Variants in ECT2 observed in about 807,000 individuals in gnomAD.
ECT2 encodes the protein protein ECT2.
A neutral mutation model predicts 116.9 loss-of-function variants in ECT2; 61 were observed. That is an observed-to-expected ratio of 0.52 (90% CI 0.42 to 0.65). The LOEUF is 0.65. Among genes scored for constraint, ECT2 ranks in the 30% least tolerant of loss-of-function variants. ECT2 has a pLI of 0.00. For synonymous variants in ECT2, 358 were observed against 346.4 expected, an observed-to-expected ratio of 1.03 and a Z score of -0.37; for missense variants, 937 against 1,078.7, an observed-to-expected ratio of 0.87 and a Z score of 1.84.
At chr3:172,797,969 T>G (rs1191461639) in intron 18 of ECT2, among the ~76,000 whole-genome samples, 1 of 152,204 alleles carries the variant, frequency 6.6e-6, no homozygotes, top group Non-Finnish European at 1.5e-5. Flanking sequence ...TTTGATCAAA[T>G]GTCTTGAGAC....
intron 18 of ECT2, among the ~76,000 whole-genome samples, chr3:172,790,378 G>C (rs1443679375): frequency 6.6e-6 from 1 of 152,226 alleles, no homozygotes; most frequent in African/African-American, 2.4e-5. Context: ...GCTGGCCTCT[G>C]TAACCCCTGT....
intron 8 of ECT2, 69 bp downstream of exon 8, chr3:172,761,752 G>A: frequency 9.1e-7 from 1 of 1,098,178 alleles, no homozygotes; most frequent in Non-Finnish European, 1.3e-6. Context: ...AAATCCATGT[G>A]CTGAAAAAAG....
At chr3:172,767,784 T>C (rs1576880545) in intron 12 of ECT2, among the ~76,000 whole-genome samples, 1 of 151,212 alleles carries the variant, frequency 6.6e-6, no homozygotes, top group African/African-American at 2.4e-5. Context: ...GGCGTGGGAG[T>C]GTGGTGGCAG....
chr3:172,780,408 G>A (rs79941144), intron 14 of ECT2, among the ~76,000 whole-genome samples: 4,835 of 152,248 alleles, frequency 0.032, 164 homozygotes, highest in East Asian at 0.16. Flanking sequence ...TGCTGTGAGA[G>A]TGTGGTGTGC....
intron 24 of ECT2, among the ~76,000 whole-genome samples, chr3:172,817,946 TAAC>T (rs997800054): frequency 1.3e-5 from 2 of 152,126 alleles, no homozygotes; most frequent in Non-Finnish European, 2.9e-5. Flanking sequence ...GGCAAGTTAT[TAAC>T]AATCTGTTTC....
At chr3:172,801,862 A>T (rs1726781011) in intron 18 of ECT2, among the ~76,000 whole-genome samples, 1 of 152,162 alleles carries the variant, frequency 6.6e-6, no homozygotes, top group South Asian at 2.1e-4. Context: ...ATTCCCTGTT[A>T]TTCAGTCTTG....
intron 14 of ECT2, among the ~76,000 whole-genome samples, chr3:172,775,886 G>A (rs968300467): frequency 2.0e-5 from 3 of 151,912 alleles, no homozygotes; most frequent in Non-Finnish European, 4.4e-5. Context: ...CGCCCGCCTC[G>A]ACCTCCCAAG....
At position 172,782,202 on chromosome 3, in the gene ECT2, A is replaced by G. The variant is rs1387727278; in HGVS notation, c.1588A>G (p.Lys530Glu). 1.3e-6 allele frequency: 2 copies of G among 1,578,440 alleles called. No individual in the cohort carries two copies. The highest frequency in any genetic ancestry group is 8.6e-7 in the Non-Finnish European group (1 of 1,158,758). Residue 530 changes from lysine (K) to glutamate (E), a missense_variant, in exon 15 of 25, where the codon AAA becomes GAA. By Grantham distance (56) the Lys-to-Glu change is moderately conservative. Transcript: ENST00000392692. ...CCTTATAGTTAATTGGGATGAGAGC[A>G]AAAGCATTGGTGACATTTTTCTGAA... is the stretch of plus-strand genomic sequence containing the variant. ...EDLIVNWDES[K>E]SIGDIFLKYS... is the part of the protein sequence containing the mutation.
At chr3:172,809,013 A>G (rs1370993594) in intron 22 of ECT2, among the ~76,000 whole-genome samples, 2 of 152,148 alleles carry the variant, frequency 1.3e-5, no homozygotes, top group Admixed American at 6.6e-5. Context: ...ATAGAATGCT[A>G]GCTAGAAAAA....
intron 13 of ECT2, among the ~76,000 whole-genome samples, chr3:172,770,922 A>G (rs919925393): frequency 7.9e-5 from 12 of 152,152 alleles, no homozygotes; most frequent in Non-Finnish European, 1.5e-4. Context: ...GAGTTAAGGT[A>G]TTAGATTTGT....
chr3:172,782,378 T>C, intron 15 of ECT2, 147 bp downstream of exon 15: 1 of 454,222 alleles, frequency 2.2e-6, no homozygotes, highest in Non-Finnish European at 3.8e-6. Context: ...AAATGTTCTT[T>C]GTCTTCTGAA....
At chr3:172,794,903 G>A (rs1576981624) in intron 18 of ECT2, among the ~76,000 whole-genome samples, 1 of 151,892 alleles carries the variant, frequency 6.6e-6, no homozygotes, top group Non-Finnish European at 1.5e-5. Flanking sequence ...GTAGAGATGG[G>A]GTTTTAGCAT....
At chr3:172,778,350 G>C (rs984466738) in intron 14 of ECT2, among the ~76,000 whole-genome samples, 5 of 152,000 alleles carry the variant, frequency 3.3e-5, no homozygotes, top group African/African-American at 1.2e-4. Flanking sequence ...AAATTGTATC[G>C]GGCATTTTCC....
intron 14 of ECT2, among the ~76,000 whole-genome samples, chr3:172,779,648 G>A (rs1409438722): frequency 6.6e-6 from 1 of 152,182 alleles, no homozygotes; most frequent in Non-Finnish European, 1.5e-5. Flanking sequence ...GCTCCTGCCT[G>A]TAATCCCAGC....
rs772951610 is a variant in ECT2 at position 172,762,673 on chromosome 3, A to G, written c.890-18A>G. 6.3e-7 allele frequency: 1 copy of G among 1,596,144 alleles called. No individual in the cohort carries two copies. Among genetic ancestry groups the G allele is most frequent in the East Asian group, 2.2e-5 (1 of 44,736 alleles). On this transcript the variant is annotated intron_variant, in intron 9 of 24. Coordinates refer to ENST00000392692, the MANE Select transcript of ECT2 (RefSeq NM_001258315.2). ...TAAGTAGCTTGGCTTATTTATGCTT[A>G]TGTGCATTCCTTTTTAGGAGGTAAA...
rs201456614 is a variant in ECT2 at position 172,784,766 on chromosome 3, A to G, written c.1788A>G (p.Pro596=). 120 of 1,612,576 alleles carry G rather than the reference A, an allele frequency of 7.4e-5. No homozygotes were observed. Among genetic ancestry groups the G allele is most frequent in the Middle Eastern group, 6.6e-4 (4 of 6,054 alleles). ...RQSLVELLIR[P]VQRLPSVALL... Reference sequence around the variant, plus strand: ...GCCTTGTTGAACTTCTTATCCGACCAGTACAGAGGTTACCCAGTGTTGCAT... The same window carrying G: ...GCCTTGTTGAACTTCTTATCCGACCGGTACAGAGGTTACCCAGTGTTGCAT... The change falls in exon 17 of 25, where the codon CCA becomes CCG. Residue 596 remains proline, a synonymous_variant. Transcript: ENST00000392692.
chr3:172,784,137 C>T (rs1046399062), intron 16 of ECT2, among the ~76,000 whole-genome samples: 7 of 150,970 alleles, frequency 4.6e-5, no homozygotes, highest in African/African-American at 1.7e-4. Flanking sequence ...TATATGTGGT[C>T]ATTTTTTTTT....
At chr3:172,780,387 A>G (rs147062008) in intron 14 of ECT2, among the ~76,000 whole-genome samples, 90 of 152,300 alleles carry the variant, frequency 5.9e-4, no homozygotes, top group African/African-American at 2.0e-3. Context: ...TTTGGCTATT[A>G]TGAATAATGC....
In ECT2 at chr3:172,782,155, T is replaced by C; in HGVS notation, c.1549-8T>C. ...TAATTTTAAATATTTCAATTCGTGC[T>C]ATTTCAGGATGATCTTGAAGACCTT... On this transcript the variant is annotated splice_polypyrimidine_tract_variant and splice_region_variant and intron_variant, in intron 14 of 24. Coordinates refer to ENST00000392692, the MANE Select transcript of ECT2 (RefSeq NM_001258315.2). 8 of 1,531,484 alleles carry C rather than the reference T, an allele frequency of 5.2e-6. No homozygotes were observed. Among genetic ancestry groups the C allele is most frequent in the Non-Finnish European group, 7.1e-6 (8 of 1,130,000 alleles). 94.9% of individuals were successfully genotyped at this position (1,531,484 alleles called of 1,614,324 possible).
Sources: allele counts gnomAD v4.1 joint callset (sites outside exome capture counted in the v4.1 genomes callset), GRCh38; gene constraint gnomAD v4.1.1; transcripts MANE v1.5; gene names NCBI Gene and HGNC (gene_info 2026-07-23, HGNC 2026-07-21).